The following PLXNA2 variants were observed in gnomAD, a reference collection of about 807,000 sequenced individuals.
PLXNA2 encodes plexin-A2.
In PLXNA2, 91 loss-of-function variants were observed where a neutral mutation model predicts 193.5. The ratio of observed to expected loss-of-function variants is 0.47; its 90% CI spans 0.40 to 0.56. The LOEUF is 0.56. PLXNA2 is among the 20% of genes least tolerant of loss of function. The pLI, the probability that PLXNA2 is intolerant of heterozygous loss-of-function variation, is 0.00. For synonymous variants in PLXNA2, 997 were observed against 1,027.3 expected (o/e 0.97, Z 0.56); for missense variants, 1,995 against 2,503.2 (o/e 0.80, Z 4.33).
At chr1:208,112,701 T>C (rs1224119495) in intron 4 of PLXNA2, among the ~76,000 whole-genome samples, 1 of 152,166 alleles carries the variant, frequency 6.6e-6, no homozygotes, top group Non-Finnish European at 1.5e-5. Flanking sequence ...GAATTATGTC[T>C]GCCCTTTTGC....
intron 1 of PLXNA2, among the ~76,000 whole-genome samples, chr1:208,222,651 C>T (rs1413958567): frequency 1.3e-5 from 2 of 152,152 alleles, no homozygotes; most frequent in Non-Finnish European, 1.5e-5. Flanking sequence ...GACAATCAGG[C>T]GTTTCCAGTT....
At position 208,026,031 on chromosome 1, in the gene PLXNA2, A is replaced by G. The variant is rs557789183; in HGVS notation, c.*1212T>C. 1 of 152,736 alleles carries G rather than the reference A, an allele frequency of 6.5e-6. No homozygotes were observed. Among genetic ancestry groups the G allele is most frequent in the African/African-American group, 2.4e-5 (1 of 41,572 alleles). 9.5% of individuals were successfully genotyped at this position (152,736 alleles called of 1,614,324 possible). A position where few individuals can be genotyped will look rare whatever the true frequency, so the allele number is the denominator to read the frequency against. ...AAAGAAAGAAAGCATAATAATAAAT[A>G]CTGCAGCTTCTGTAACCTATGCTCT... On this transcript the variant is annotated 3_prime_UTR_variant, in exon 32 of 32. Coordinates refer to ENST00000367033, the MANE Select transcript of PLXNA2 (RefSeq NM_025179.4).
Position 208,084,561 on chromosome 1 carries a change from G to A in PLXNA2, c.2117C>T (p.Pro706Leu). 1 of 1,614,216 alleles carries A rather than the reference G, an allele frequency of 6.2e-7. No individual in the cohort carries two copies. Among genetic ancestry groups the A allele is most frequent in the Non-Finnish European group, 8.5e-7 (1 of 1,180,044 alleles). The change falls in exon 10 of 32, where the codon CCC becomes CTC. Residue 706 changes from proline (P) to leucine (L), a missense_variant. Transcript: ENST00000367033. ...NISEDCPQLV[P>L]TEEILIPVGE... ...GACTGGAATCAAGATCTCCTCTGTG[G>A]GCACCAGCTGGGGACAGTCCTGGGG...
rs772040134 is a variant in PLXNA2 at position 208,228,994 on chromosome 1, C to T, written c.-80-10992G>A. 3.6e-4 allele frequency among the ~76,000 whole-genome samples: 55 copies of T among 152,228 alleles called. No homozygotes were observed. The Middle Eastern group carries it at 0.01, about 28-fold the overall frequency. ...TGCTGGTTTGTCCAGGCACCTGTGG[C>T]AGCACAGAAGGGCGTAGAGGAGGAA... On this transcript the variant is annotated intron_variant, in intron 1 of 31. Transcript: ENST00000367033.
intron 3 of PLXNA2, among the ~76,000 whole-genome samples, chr1:208,190,811 T>C (rs1049998225): frequency 6.6e-6 from 1 of 152,228 alleles, no homozygotes; most frequent in African/African-American, 2.4e-5. Context: ...CATATGTAAT[T>C]GTCATTGTTT....
In PLXNA2 at chr1:208,052,460, G is replaced by T. The variant is rs147629478; in HGVS notation, c.2860C>A (p.Pro954Thr). The T allele has an allele frequency of 6.8e-6, 11 of 1,613,762 alleles. No individual in the cohort carries two copies. Among genetic ancestry groups the T allele is most frequent in the Non-Finnish European group, 9.3e-6 (11 of 1,179,934 alleles). Reference protein sequence around the residue: ...KSHQQYTFVNPSVLSLNPIRG... With the variant: ...KSHQQYTFVNTSVLSLNPIRG... ...ATTGGGTTGAGTGACAGCACAGAAG[G>T]GTTCTTTGGAAAGAAGCAGAGAAAT... The change falls in exon 15 of 32, where the codon CCT becomes ACT. Residue 954 changes from proline (P) to threonine (T), a missense_variant. By Grantham distance (38) the Pro-to-Thr change is conservative. Around this residue, in one of 3 missense-constraint regions of PLXNA2, gnomAD observed 1,291 missense variants for 1,673.6 expected, o/e 0.77. Transcript: ENST00000367033.
chr1:208,064,451 C>T (rs1387589578), intron 12 of PLXNA2, among the ~76,000 whole-genome samples: 1 of 152,190 alleles, frequency 6.6e-6, no homozygotes, highest in Non-Finnish European at 1.5e-5. Flanking sequence ...ACTTTCCATT[C>T]AATAGCACAT....
intron 21 of PLXNA2, 34 bp downstream of exon 21, chr1:208,043,026 CT>C (rs1402905456): frequency 6.2e-7 from 1 of 1,610,706 alleles, no homozygotes; most frequent in Non-Finnish European, 8.5e-7. Flanking sequence ...GCCTGCATCC[CT>C]GCTGGGTGGC....
intron 3 of PLXNA2, among the ~76,000 whole-genome samples, chr1:208,175,815 G>A (rs1669645900): frequency 6.6e-6 from 1 of 152,200 alleles, no homozygotes; most frequent in African/African-American, 2.4e-5. Context: ...GAGTGCCTCA[G>A]AAAACCTGAT....
At chr1:208,172,577 C>G (rs1452950248) in intron 3 of PLXNA2, among the ~76,000 whole-genome samples, 1 of 152,164 alleles carries the variant, frequency 6.6e-6, no homozygotes. Context: ...ACTTATCTCA[C>G]CGCTGGAAAG....
chr1:208,059,959 C>A (rs760255977), intron 13 of PLXNA2, among the ~76,000 whole-genome samples: 2 of 152,114 alleles, frequency 1.3e-5, no homozygotes, highest in African/African-American at 2.4e-5. Flanking sequence ...GCTCCCAGTA[C>A]CCCCTGCAGA....
chr1:208,097,641 C>T (rs902658279), intron 6 of PLXNA2, among the ~76,000 whole-genome samples: 2 of 152,118 alleles, frequency 1.3e-5, no homozygotes, highest in Admixed American at 6.5e-5. Flanking sequence ...AGGAATCTGT[C>T]GATTGAGAAA....
At chr1:208,146,686 G>A (rs1235743239) in intron 3 of PLXNA2, among the ~76,000 whole-genome samples, 1 of 152,176 alleles carries the variant, frequency 6.6e-6, no homozygotes, top group African/African-American at 2.4e-5. Flanking sequence ...CCAACCAATT[G>A]AGTTTATTCT....
At chr1:208,081,748 T>A (rs1461429426) in intron 11 of PLXNA2, among the ~76,000 whole-genome samples, 2 of 152,190 alleles carry the variant, frequency 1.3e-5, no homozygotes, top group East Asian at 1.9e-4. Flanking sequence ...TGTCTACCCA[T>A]CACGAGTCCT....
intron 1 of PLXNA2, among the ~76,000 whole-genome samples, chr1:208,231,968 A>G (rs1486328413): frequency 6.6e-6 from 1 of 152,244 alleles, no homozygotes; most frequent in African/African-American, 2.4e-5. Context: ...ATATCCTGTT[A>G]CTACTCTTTG....
intron 9 of PLXNA2, among the ~76,000 whole-genome samples, chr1:208,087,325 T>C (rs1005589003): frequency 6.6e-6 from 1 of 152,146 alleles, no homozygotes; most frequent in Admixed American, 6.5e-5. Flanking sequence ...TTTCATCTTT[T>C]AGGCTGGGCT....
chr1:208,202,231 C>T (rs1435970595), intron 3 of PLXNA2, among the ~76,000 whole-genome samples: 3 of 152,044 alleles, frequency 2.0e-5, no homozygotes, highest in Non-Finnish European at 4.4e-5. Context: ...CAGCCCGCCT[C>T]GGCCTCCTAA....
At chr1:208,197,847 C>T (rs1156691539) in intron 3 of PLXNA2, among the ~76,000 whole-genome samples, 2 of 152,152 alleles carry the variant, frequency 1.3e-5, no homozygotes, top group Non-Finnish European at 2.9e-5. Context: ...CTAATTGCTG[C>T]CCACAGCACT....
rs867046232 is a variant in PLXNA2 at position 208,091,668 on chromosome 1, C to T, written c.2097+1118G>A. On this transcript the variant is annotated intron_variant, in intron 9 of 31. Transcript: ENST00000367033. ...CGGGTGGATCATGAGGTCAAGAGAT[C>T]GAGACCATCCTGGCCAACATGGTGA... is the stretch of plus-strand genomic sequence containing the variant. Among the ~76,000 whole-genome samples, 4 of 152,060 alleles carry T rather than the reference C, an allele frequency of 2.6e-5. No individual in the cohort carries two copies. In the East Asian group the frequency reaches 5.8e-4, roughly 22 times the overall value.
Sources: gnomAD v4.1 joint callset for allele counts (sites outside exome capture counted in the v4.1 genomes callset) on GRCh38, gnomAD v4.1.1 for gene constraint, gnomAD v4.1.1 regional missense constraint, MANE v1.5 for transcripts, NCBI Gene and HGNC (gene_info 2026-07-23, HGNC 2026-07-21) for gene names.